Variants in AFAP1 observed in about 807,000 individuals in gnomAD.
AFAP1 encodes the protein actin filament associated protein 1, also known as actin filament-associated protein 1.
A neutral mutation model predicts 93.9 loss-of-function variants in AFAP1; 75 were observed. The ratio of observed to expected loss-of-function variants is 0.80; its 90% CI spans 0.66 to 0.97. The LOEUF (loss-of-function observed/expected upper bound fraction) is 0.97, where lower values mean the gene tolerates loss of function less well. Ranked by LOEUF, AFAP1 falls within the 50% of genes least tolerant of loss-of-function variation. The probability of loss-of-function intolerance (pLI) is 0.00; values close to 1 mark genes in which losing one functional copy is unlikely to be tolerated. For synonymous variants in AFAP1, 517 were observed against 430.7 expected (o/e 1.20, Z -2.48); for missense variants, 1,201 against 1,050.8 (o/e 1.14, Z -1.98).
Position 7,881,354 on chromosome 4 carries a change from C to T in AFAP1, c.-2-9274G>A, listed in dbSNP as rs62289352. Among the ~76,000 whole-genome samples, 590 of 152,182 alleles carry T rather than the reference C, an allele frequency of 3.9e-3. 4 individuals are homozygous for T. The highest frequency in any genetic ancestry group is 6.6e-3 in the Non-Finnish European group (452 of 68,000). Reference sequence around the variant, plus strand: ...CCCCACATGGCATCACCTCCCTGACCTCTCCTCACCCCTCTGAATTCTGCC... The same window carrying T: ...CCCCACATGGCATCACCTCCCTGACTTCTCCTCACCCCTCTGAATTCTGCC... On this transcript the variant is annotated intron_variant, in intron 1 of 17. Coordinates refer to ENST00000420658, the MANE Select transcript of AFAP1 (RefSeq NM_001134647.2).
At chr4:7,934,556 G>C (rs1482225631) in intron 1 of AFAP1, among the ~76,000 whole-genome samples, 1 of 151,720 alleles carries the variant, frequency 6.6e-6, no homozygotes, top group Non-Finnish European at 1.5e-5. Flanking sequence ...CACTACCACT[G>C]TCTGGGATAT....
At position 7,892,684 on chromosome 4, in the gene AFAP1, G is replaced by A. The variant is rs935067632; in HGVS notation, c.-2-20604C>T. On this transcript the variant is annotated intron_variant, in intron 1 of 17. Transcript: ENST00000420658. The stretch of plus-strand genomic sequence containing the variant: ...GAGTGGAGACAGCAGCTTCCAGGGT[G>A]CCTAGAACACGAACCCCCAAGACTC... Among the ~76,000 whole-genome samples, 4 of 152,258 alleles carry A rather than the reference G, an allele frequency of 2.6e-5. No homozygotes were observed. The South Asian group carries it at 6.2e-4, about 24-fold the overall frequency.
chr4:7,815,921 A>G, intron 8 of AFAP1, 97 bp downstream of exon 8: 1 of 1,105,864 alleles, frequency 9.0e-7, no homozygotes. Flanking sequence ...CACCCAGGAC[A>G]TTTTTCGTAC....
intron 6 of AFAP1, 142 bp downstream of exon 6, chr4:7,838,382 A>G (rs866569442): frequency 1.1e-6 from 1 of 942,178 alleles, no homozygotes; most frequent in African/African-American, 1.7e-5. Context: ...TCATCAGAAT[A>G]TTTAGCTATT....
intron 1 of AFAP1, among the ~76,000 whole-genome samples, chr4:7,927,468 T>C (rs994997532): frequency 1.3e-5 from 2 of 152,326 alleles, no homozygotes; most frequent in South Asian, 2.1e-4. Flanking sequence ...TTCAGAACAA[T>C]GCCCGGCACA....
chr4:7,855,968 G>A (rs959367876), intron 3 of AFAP1, among the ~76,000 whole-genome samples: 1 of 152,098 alleles, frequency 6.6e-6, no homozygotes, highest in South Asian at 2.1e-4. Flanking sequence ...ACCAACCCTC[G>A]CAGGCCTCAG....
At chr4:7,847,195 G>A (rs753093270) in intron 4 of AFAP1, among the ~76,000 whole-genome samples, 18 of 147,044 alleles carry the variant, frequency 1.2e-4, no homozygotes, top group African/African-American at 3.5e-4. Context: ...ATGCTTAGCC[G>A]TGTCCCAATC....
At chr4:7,798,942 ATCTGCTGTCAGAGC>A in intron 10 of AFAP1, 1 of 986,792 alleles carries the variant, frequency 1.0e-6, no homozygotes, top group Non-Finnish European at 1.2e-6. Context: ...CCCTTCTCAG[ATCTGCTGTCAGAGC>A]TCTCATGGGA....
chr4:7,775,321 C>CTT (rs1193406908), intron 14 of AFAP1: 1 of 155,738 alleles, frequency 6.4e-6, no homozygotes, highest in Non-Finnish European at 1.4e-5. Flanking sequence ...GAATCAAATT[C>CTT]TTAAAAACGA....
At position 7,781,530 on chromosome 4, in the gene AFAP1, G is replaced by A. The variant is rs554947756; in HGVS notation, c.1628C>T (p.Pro543Leu). The part of the protein sequence containing the change: ...NAGLYDNLPP[P>L]HIFARYSPAD... The stretch of plus-strand genomic sequence containing the variant: ...AGGAGAGTAGCGGGCAAAGATGTGC[G>A]GAGGCGGCAAGTTATCGTACAGGCC... The change falls in exon 13 of 18, where the codon CCG becomes CTG. Residue 543 changes from proline (P) to leucine (L), a missense_variant. Transcript: ENST00000420658. 2.0e-4 allele frequency: 305 copies of A among 1,552,136 alleles called. No individual in the cohort carries two copies. Among genetic ancestry groups the A allele is most frequent in the Non-Finnish European group, 2.4e-4 (270 of 1,147,092 alleles).
At chr4:7,783,146 C>T (rs1716937566) in intron 12 of AFAP1, among the ~76,000 whole-genome samples, 1 of 147,792 alleles carries the variant, frequency 6.8e-6, no homozygotes, top group Non-Finnish European at 1.5e-5. Flanking sequence ...TAAATATGAA[C>T]TTTTTTTTTT....
chr4:7,827,569 C>CAAAAAA (rs58075483), intron 6 of AFAP1, among the ~76,000 whole-genome samples: 740 of 52,188 alleles, frequency 0.014, 52 homozygotes, highest in African/African-American at 0.049. Flanking sequence ...ACTCTGTCTC[C>CAAAAAA]AAAAAAAAAA....
chr4:7,881,273 G>A (rs933424435), intron 1 of AFAP1, among the ~76,000 whole-genome samples: 1 of 151,998 alleles, frequency 6.6e-6, no homozygotes, highest in African/African-American at 2.4e-5. Context: ...CCCTCATGGG[G>A]TGACCCTCTG....
chr4:7,898,084 A>G (rs1718891246), intron 1 of AFAP1, among the ~76,000 whole-genome samples: 1 of 152,202 alleles, frequency 6.6e-6, no homozygotes, highest in Admixed American at 6.5e-5. Context: ...AACCAGGTCC[A>G]GCCTTCATCA....
At chr4:7,843,988 T>G (rs535364613) in intron 4 of AFAP1, among the ~76,000 whole-genome samples, 1 of 152,070 alleles carries the variant, frequency 6.6e-6, no homozygotes, top group Non-Finnish European at 1.5e-5. Context: ...CACCTCAGGG[T>G]CTCTGCATGT....
intron 9 of AFAP1, among the ~76,000 whole-genome samples, chr4:7,805,660 A>C (rs1038643119): frequency 6.6e-6 from 1 of 152,164 alleles, no homozygotes; most frequent in African/African-American, 2.4e-5. Flanking sequence ...AGGTGAAGCA[A>C]TTTGCTTAAA....
intron 3 of AFAP1, among the ~76,000 whole-genome samples, chr4:7,858,630 C>T (rs562756425): frequency 4.6e-5 from 7 of 152,142 alleles, no homozygotes; most frequent in East Asian, 1.9e-4. Flanking sequence ...ATAGGGGCCA[C>T]GGGAAAGCAG....
At chr4:7,800,207 G>A (rs977093725) in intron 10 of AFAP1, among the ~76,000 whole-genome samples, 1 of 152,166 alleles carries the variant, frequency 6.6e-6, no homozygotes, top group Non-Finnish European at 1.5e-5. Context: ...GTGTACAAAT[G>A]GGTAGAAAGT....
At position 7,800,628 on chromosome 4, in the gene AFAP1, G is replaced by A. The variant is rs1313370150; in HGVS notation, c.1080C>T (p.Ser360=). ...CTCGGCACCAGCGCTCTCGCCAGCG[G>A]CTGTTGGAGAGCACGTTCAGATAGC... The part of the protein sequence containing the change: ...TCGYLNVLSN[S]RWRERWCRVK... Residue 360 remains serine, a synonymous_variant, in exon 10 of 18, where the codon AGC becomes AGT. Coordinates refer to ENST00000420658, the MANE Select transcript of AFAP1 (RefSeq NM_001134647.2). The A allele has an allele frequency of 1.2e-6, 2 of 1,614,214 alleles. No homozygotes were observed. Among genetic ancestry groups the A allele is most frequent in the Admixed American group, 1.7e-5 (1 of 60,024 alleles).
Sources: gnomAD v4.1 joint callset for allele counts (sites outside exome capture counted in the v4.1 genomes callset) on GRCh38, gnomAD v4.1.1 for gene constraint, MANE v1.5 for transcripts, NCBI Gene and HGNC (gene_info 2026-07-23, HGNC 2026-07-21) for gene names.